AKAP13: variants seen among roughly 807,000 people sequenced by gnomAD.
AKAP13 encodes A-kinase anchor protein 13.
Under a neutral mutation model 264.5 loss-of-function variants are expected in AKAP13, and 80 were observed. The ratio of observed to expected loss-of-function variants is 0.30; its 90% CI spans 0.25 to 0.36. The LOEUF (loss-of-function observed/expected upper bound fraction) is 0.36. AKAP13 is among the 10% of genes least tolerant of loss of function. The probability of loss-of-function intolerance (pLI) is 1.00; values close to 1 mark genes in which losing one functional copy is unlikely to be tolerated. For missense variants in AKAP13, 3,712 were observed against 3,435.2 expected (o/e 1.08, Z -2.01); for synonymous variants, 1,380 against 1,250.2 (o/e 1.10, Z -2.19).
At chr15:85,583,018 G>A in intron 7 of AKAP13, 2 of 985,468 alleles carry the variant, frequency 2.0e-6, no homozygotes, top group Non-Finnish European at 2.4e-6. Context: ...CTTAACGGGG[G>A]TTGAGGCTGA....
At chr15:85,471,932 G>A (rs1463515160) in intron 1 of AKAP13, among the ~76,000 whole-genome samples, 1 of 152,090 alleles carries the variant, frequency 6.6e-6, no homozygotes, top group African/African-American at 2.4e-5. Flanking sequence ...AGATCAGTTT[G>A]GGGGAAAGTT....
At chr15:85,444,387 A>G (rs2073827334) in intron 1 of AKAP13, among the ~76,000 whole-genome samples, 1 of 152,220 alleles carries the variant, frequency 6.6e-6, no homozygotes, top group African/African-American at 2.4e-5. Context: ...AGGATGAGCA[A>G]TAAAAGGTAG....
rs16943792 is a variant in AKAP13 at position 85,741,111 on chromosome 15, C to T, written c.7674C>T (p.Leu2558=). ...AACTGGTGCTGAGCGAGAGGGCGCT[C>T]ACTCGCAGCTTGTCCCGCCCGAGCT... ...DQKLVLSERA[L]TRSLSRPSSL... The change falls in exon 35 of 37, where the codon CTC becomes CTT. Residue 2558 remains leucine, a synonymous_variant. Coordinates refer to ENST00000394518, the MANE Select transcript of AKAP13 (RefSeq NM_007200.5). 0.21 allele frequency: 331,325 copies of T among 1,613,428 alleles called. 35,640 individuals carry two copies. Among genetic ancestry groups the T allele is most frequent in the Admixed American group, 0.3 (17,951 of 59,972 alleles).
intron 2 of AKAP13, among the ~76,000 whole-genome samples, chr15:85,503,543 G>A (rs540938617): frequency 2.0e-5 from 3 of 152,280 alleles, no homozygotes; most frequent in African/African-American, 7.2e-5. Flanking sequence ...TGTGACCAGA[G>A]GTGATTCAAC....
At chr15:85,474,323 C>A (rs981206481) in intron 1 of AKAP13, among the ~76,000 whole-genome samples, 20 of 152,206 alleles carry the variant, frequency 1.3e-4, no homozygotes, top group African/African-American at 4.6e-4. Context: ...TAGTCAGATT[C>A]TCTGCTAAAA....
intron 8 of AKAP13, among the ~76,000 whole-genome samples, chr15:85,595,169 A>G (rs1195863065): frequency 6.6e-6 from 1 of 152,058 alleles, no homozygotes; most frequent in African/African-American, 2.4e-5. Context: ...GCGTGATCAT[A>G]GCTCACTGCA....
rs1258510774 is a variant in AKAP13, at chr15:85,693,369, C to T, written c.5382C>T (p.Phe1794=). Residue 1794 remains phenylalanine, a synonymous_variant, in exon 17 of 37, where the codon TTC becomes TTT. Transcript: ENST00000394518. Reference sequence around the variant, plus strand: ...AGAAGACTGTCAACGGGCACACTTTCAGTTCCATTCCTGTTGTGGGTCCCA... The same window carrying T: ...AGAAGACTGTCAACGGGCACACTTTTAGTTCCATTCCTGTTGTGGGTCCCA... The part of the protein sequence containing the change: ...KDKKTVNGHT[F]SSIPVVGPIS... The T allele has an allele frequency of 6.2e-7, 1 of 1,613,996 alleles. No individual in the cohort carries two copies. Among genetic ancestry groups the T allele is most frequent in the Non-Finnish European group, 8.5e-7 (1 of 1,179,956 alleles).
intron 1 of AKAP13, chr15:85,415,730 T>C (rs1342878691): frequency 2.3e-5 from 15 of 642,460 alleles, no homozygotes; most frequent in South Asian, 3.7e-5. Flanking sequence ...TTTTTTTTTT[T>C]CATTACTGTG....
Position 85,579,224 on chromosome 15 carries a change from G to GCAC in AKAP13, c.1158_1160dup (p.Pro387dup). On this transcript the variant is annotated inframe_insertion, in exon 7 of 37. Coordinates refer to ENST00000394518, the MANE Select transcript of AKAP13 (RefSeq NM_007200.5). ...AAGAAAAGGGGAAGAGGTGGAGCCA[G>GCAC]CACCTATTGTGGACTCTGGAACTGT... 6.2e-7 allele frequency: 1 copy of GCAC among 1,614,230 alleles called. No individual in the cohort carries two copies. The highest frequency in any genetic ancestry group is 1.1e-5 in the South Asian group (1 of 91,092).
intron 1 of AKAP13, among the ~76,000 whole-genome samples, chr15:85,401,352 G>A (rs2071413104): frequency 6.6e-6 from 1 of 152,132 alleles, no homozygotes; most frequent in African/African-American, 2.4e-5. Context: ...TTTTGGTAAG[G>A]AACCCTATGT....
intron 8 of AKAP13, among the ~76,000 whole-genome samples, chr15:85,626,645 C>G (rs772209541): frequency 2.4e-4 from 36 of 152,216 alleles, no homozygotes; most frequent in Non-Finnish European, 4.7e-4. Context: ...ATTCATCCAT[C>G]AATTGACATT....
At position 85,543,944 on chromosome 15, in the gene AKAP13, G is replaced by T. The variant is rs2077648620; in HGVS notation, c.651G>T (p.Gln217His). Residue 217 changes from glutamine (Q) to histidine (H), a missense_variant, in exon 5 of 37, where the codon CAG becomes CAT. Physicochemically the swap from Gln to His is conservative, Grantham distance 24. Transcript: ENST00000394518. The stretch of plus-strand genomic sequence containing the variant: ...AGCGAGGCTATCACAAGCTGCACCA[G>T]CTTCTAACCGAGTAAGTGCTCCTTC... ...ALERGYHKLH[Q>H]LLTEENAGEP... is the part of the protein sequence containing the mutation. 6.2e-7 allele frequency: 1 copy of T among 1,612,096 alleles called. No homozygotes were observed. Among genetic ancestry groups the T allele is most frequent in the South Asian group, 1.1e-5 (1 of 91,036 alleles).
chr15:85,412,365 CAAACAGTG>C (rs1212150128), intron 1 of AKAP13, among the ~76,000 whole-genome samples: 1 of 152,156 alleles, frequency 6.6e-6, no homozygotes, highest in Non-Finnish European at 1.5e-5. Context: ...TGTACTTCCC[CAAACAGTG>C]TAACCGTTTG....
chr15:85,744,701 G>A lies in AKAP13; in HGVS notation c.*24G>A. The A allele has an allele frequency of 6.3e-7, 1 of 1,583,394 alleles. No homozygotes were observed. The highest frequency in any genetic ancestry group is 8.6e-7 in the Non-Finnish European group (1 of 1,166,166). On this transcript the variant is annotated 3_prime_UTR_variant, in exon 37 of 37. Coordinates refer to ENST00000394518, the MANE Select transcript of AKAP13 (RefSeq NM_007200.5). ...GACCCTCTTCCTCTCTGCTGAGGCA[G>A]CTGCCTCCTGATCCTGGCCAGCCCA...
At position 85,744,841 on chromosome 15, in the gene AKAP13, G is replaced by A; in HGVS notation, c.*164G>A. 1 of 582,480 alleles carries A rather than the reference G, an allele frequency of 1.7e-6. No homozygotes were observed. Among genetic ancestry groups the A allele is most frequent in the Non-Finnish European group, 2.9e-6 (1 of 341,866 alleles). 36.1% of individuals were successfully genotyped at this position (582,480 alleles called of 1,614,324 possible). ...TGGACAATAAGCAACAGATGATATT[G>A]AGTGTCGGGTGGGGAAGGAGGCCCA... On this transcript the variant is annotated 3_prime_UTR_variant, in exon 37 of 37. Coordinates refer to ENST00000394518, the MANE Select transcript of AKAP13 (RefSeq NM_007200.5).
At chr15:85,721,461 C>T (rs1172973238) in intron 23 of AKAP13, among the ~76,000 whole-genome samples, 1 of 152,092 alleles carries the variant, frequency 6.6e-6, no homozygotes, top group African/African-American at 2.4e-5. Context: ...AGTGAACATA[C>T]CTTTAGAGGA....
intron 18 of AKAP13, among the ~76,000 whole-genome samples, chr15:85,709,169 A>C (rs1168921513): frequency 6.6e-6 from 1 of 152,100 alleles, no homozygotes; most frequent in African/African-American, 2.4e-5. Context: ...TCCTGAAAAA[A>C]CTGGAAGATT....
At chr15:85,411,360 T>C (rs1170120904) in intron 1 of AKAP13, among the ~76,000 whole-genome samples, 1 of 152,214 alleles carries the variant, frequency 6.6e-6, no homozygotes, top group Non-Finnish European at 1.5e-5. Context: ...AAGGGAAATA[T>C]GCGCAAAGGA....
At chr15:85,655,885 C>G in intron 11 of AKAP13, 98 bp downstream of exon 11, 1 of 1,480,794 alleles carries the variant, frequency 6.8e-7, no homozygotes, top group Non-Finnish European at 8.9e-7. Context: ...TAGGAGACCC[C>G]ATAGTATAGA....
Sources: allele counts gnomAD v4.1 joint callset (sites outside exome capture counted in the v4.1 genomes callset), GRCh38; gene constraint gnomAD v4.1.1; transcripts MANE v1.5; gene names NCBI Gene and HGNC (gene_info 2026-07-23, HGNC 2026-07-21).